Variants in RBL1 observed in about 807,000 individuals in gnomAD.
RBL1 encodes RB transcriptional corepressor like 1.
Under a neutral mutation model 123.0 loss-of-function variants are expected in RBL1, and 82 were observed. That is an observed-to-expected ratio of 0.67 (90% CI 0.56 to 0.80). The LOEUF is 0.80. Among genes scored for constraint, RBL1 ranks in the 30% least tolerant of loss-of-function variants. The pLI, the probability that RBL1 is intolerant of heterozygous loss-of-function variation, is 0.00. For synonymous variants in RBL1, 405 were observed against 441.3 expected (o/e 0.92, Z 1.03); for missense variants, 1,171 against 1,299.6 (o/e 0.90, Z 1.52).
Position 37,086,955 on chromosome 20 carries a change from T to A in RBL1, c.290+2034A>T, listed in dbSNP as rs973427680. ...TGATATCCTCAGGAGACAAAATCAC[T>A]TATACAGTTTTCCATCAGGGAATGA... On this transcript the variant is annotated intron_variant, in intron 2 of 21. Coordinates refer to ENST00000373664, the MANE Select transcript of RBL1 (RefSeq NM_002895.5). Among the ~76,000 whole-genome samples, 10 of 152,214 alleles carry A rather than the reference T, an allele frequency of 6.6e-5. No homozygotes were observed. In the South Asian group the frequency reaches 2.1e-3, roughly 32 times the overall value.
chr20:37,027,340 AAAT>A (rs752732909), intron 16 of RBL1, among the ~76,000 whole-genome samples: 7 of 152,180 alleles, frequency 4.6e-5, no homozygotes, highest in Admixed American at 6.5e-5. Context: ...CCCTGTCTCA[AAAT>A]AATAATAAAA....
chr20:37,062,665 A>AG (rs1472896527), intron 7 of RBL1, among the ~76,000 whole-genome samples: 2 of 149,822 alleles, frequency 1.3e-5, no homozygotes, highest in Non-Finnish European at 3.0e-5. Flanking sequence ...AAAAAAAAAA[A>AG]AAAAAATGGG....
intron 17 of RBL1, among the ~76,000 whole-genome samples, chr20:37,021,041 C>T (rs933167812): frequency 6.6e-6 from 1 of 152,160 alleles, no homozygotes; most frequent in Non-Finnish European, 1.5e-5. Flanking sequence ...GTTTAATTCC[C>T]TGCAGTCTCC....
chr20:37,080,873 C>A (rs1397482053), intron 2 of RBL1, among the ~76,000 whole-genome samples: 1 of 152,144 alleles, frequency 6.6e-6, no homozygotes, highest in Admixed American at 6.6e-5. Context: ...TTTGTTGGAA[C>A]ATTCATAAGG....
chr20:37,020,770 A>G, intron 17 of RBL1, 40 bp from the exon 18 acceptor site: 1 of 1,361,118 alleles, frequency 7.3e-7, no homozygotes, highest in Non-Finnish European at 1.0e-6. Flanking sequence ...CTGCTTTTTG[A>G]AAGAAAAATG....
chr20:37,004,169 C>T lies in RBL1; in HGVS notation c.2872-303G>A, dbSNP rs1600439738. Among the ~76,000 whole-genome samples the T allele has an allele frequency of 2.0e-5, 3 of 151,528 alleles. No homozygotes were observed. The East Asian group carries it at 5.9e-4, about 30-fold the overall frequency. ...CACTGCAACCTCTGCCTCCCAGGTT[C>T]AAGCAATTCTCCTCCCTCAGCCTCC... On this transcript the variant is annotated intron_variant, in intron 20 of 21. Transcript: ENST00000373664.
intron 2 of RBL1, among the ~76,000 whole-genome samples, chr20:37,072,950 G>A (rs2065305068): frequency 6.6e-6 from 1 of 152,102 alleles, no homozygotes; most frequent in Non-Finnish European, 1.5e-5. Flanking sequence ...AAGTTGGTAA[G>A]TGATATCTCT....
At chr20:37,049,523 G>A (rs968635584) in intron 11 of RBL1, 1 of 755,860 alleles carries the variant, frequency 1.3e-6, no homozygotes, top group Non-Finnish European at 2.4e-6. Context: ...AAGCACAAGA[G>A]AAAGAAGGTT....
intron 18 of RBL1, among the ~76,000 whole-genome samples, chr20:37,020,368 C>T (rs1397396236): frequency 1.3e-5 from 2 of 152,018 alleles, no homozygotes; most frequent in Non-Finnish European, 2.9e-5. Context: ...GGATTACAGG[C>T]GTGAGACACC....
intron 2 of RBL1, among the ~76,000 whole-genome samples, chr20:37,070,667 T>C (rs2065269716): frequency 6.6e-6 from 1 of 152,012 alleles, no homozygotes; most frequent in Non-Finnish European, 1.5e-5. Flanking sequence ...GTAAAGAAGG[T>C]AGCACATACT....
intron 16 of RBL1, among the ~76,000 whole-genome samples, chr20:37,028,795 T>G (rs559140337): frequency 6.6e-6 from 1 of 152,346 alleles, no homozygotes; most frequent in South Asian, 2.1e-4. Flanking sequence ...AGCCTGAGTC[T>G]AAACTTATAG....
At chr20:37,048,663 T>C (rs891514500) in intron 11 of RBL1, among the ~76,000 whole-genome samples, 1 of 152,168 alleles carries the variant, frequency 6.6e-6, no homozygotes, top group Non-Finnish European at 1.5e-5. Context: ...TACTGCCTCA[T>C]TCACAGAGCT....
intron 1 of RBL1, among the ~76,000 whole-genome samples, chr20:37,091,275 T>C (rs2065641455): frequency 6.6e-6 from 1 of 151,880 alleles, no homozygotes; most frequent in African/African-American, 2.4e-5. Context: ...GGAGAATCAC[T>C]TGAACCTAGG....
At chr20:37,000,490 C>A (rs1176320551) in intron 21 of RBL1, among the ~76,000 whole-genome samples, 1 of 145,034 alleles carries the variant, frequency 6.9e-6, no homozygotes, top group Admixed American at 6.7e-5. Context: ...CCCCGCCCGG[C>A]CAGCCGCCCC....
intron 20 of RBL1, 41 bp downstream of exon 20, chr20:37,007,370 T>C (rs1179895720): frequency 6.3e-7 from 1 of 1,589,198 alleles, no homozygotes; most frequent in Non-Finnish European, 8.6e-7. Flanking sequence ...AATCCAACTA[T>C]GACAGCAAAT....
chr20:37,061,987 C>A, intron 8 of RBL1, 97 bp downstream of exon 8: 1 of 1,319,288 alleles, frequency 7.6e-7, no homozygotes, highest in Non-Finnish European at 1.0e-6. Context: ...GTAGAAGAAG[C>A]TCAAGATTTA....
At chr20:37,042,133 C>CA (rs1205389305) in intron 13 of RBL1, among the ~76,000 whole-genome samples, 5 of 149,632 alleles carry the variant, frequency 3.3e-5, no homozygotes, top group Non-Finnish European at 7.4e-5. Context: ...AAACATTTTG[C>CA]AAATCATTTA....
At chr20:37,000,287 T>C (rs1033057226) in intron 21 of RBL1, among the ~76,000 whole-genome samples, 1 of 148,632 alleles carries the variant, frequency 6.7e-6, no homozygotes, top group Non-Finnish European at 1.5e-5. Context: ...GAGGAGCGTC[T>C]TCGCCTGGCA....
At chr20:37,031,079 A>G (rs745695608) in intron 16 of RBL1, among the ~76,000 whole-genome samples, 8 of 152,100 alleles carry the variant, frequency 5.3e-5, no homozygotes, top group Non-Finnish European at 1.0e-4. Flanking sequence ...ATAAGAGCTA[A>G]AAACTATAAA....
Sources: gnomAD v4.1 joint callset for allele counts (sites outside exome capture counted in the v4.1 genomes callset) on GRCh38, gnomAD v4.1.1 for gene constraint, MANE v1.5 for transcripts, NCBI Gene and HGNC (gene_info 2026-07-23, HGNC 2026-07-21) for gene names.